SV2C: variants seen among roughly 807,000 people sequenced by gnomAD.
The protein encoded by SV2C is solute carrier family 22 member B3.
A neutral mutation model predicts 79.7 loss-of-function variants in SV2C; 49 were observed. The observed-to-expected ratio is 0.61, with a 90% CI of 0.49 to 0.78. SV2C has a LOEUF of 0.78. Ranked by LOEUF, SV2C falls within the 30% of genes least tolerant of loss-of-function variation. The pLI is 0.00. For synonymous variants in SV2C, 334 were observed against 333.2 expected, an observed-to-expected ratio of 1.00 and a Z score of -0.03; for missense variants, 833 against 912.9, an observed-to-expected ratio of 0.91 and a Z score of 1.13.
chr5:75,935,306 G>A, the SV2C span, among the ~76,000 whole-genome samples: 1 of 152,020 alleles, frequency 6.6e-6, no homozygotes, highest in African/African-American at 2.4e-5. Flanking sequence ...CTAGTATTTG[G>A]GGTTGGTTAG....
the SV2C span, among the ~76,000 whole-genome samples, chr5:75,866,555 A>T: frequency 6.6e-6 from 1 of 152,206 alleles, no homozygotes; most frequent in Non-Finnish European, 1.5e-5. Flanking sequence ...TACCCTGCCA[A>T]CTTTCTAGCA....
chr5:76,254,009 A>G (rs1248865877), intron 4 of SV2C, among the ~76,000 whole-genome samples: 2 of 152,096 alleles, frequency 1.3e-5, no homozygotes, highest in Non-Finnish European at 2.9e-5. Context: ...GTCTGGGTGC[A>G]GGAGCTCACA....
the SV2C span, among the ~76,000 whole-genome samples, chr5:76,023,816 G>A: frequency 1.3e-5 from 2 of 151,326 alleles, no homozygotes; most frequent in Admixed American, 6.6e-5. Context: ...AAATACATAT[G>A]CCCACATATG....
chr5:76,253,626 A>T (rs568626780), intron 4 of SV2C, among the ~76,000 whole-genome samples: 1 of 148,424 alleles, frequency 6.7e-6, no homozygotes, highest in Admixed American at 7.0e-5. Context: ...GTGGTTCCAT[A>T]TTACTCACCT....
At chr5:76,021,371 C>T in the SV2C span, among the ~76,000 whole-genome samples, 1 of 152,146 alleles carries the variant, frequency 6.6e-6, no homozygotes. Context: ...GAAAGAAAAA[C>T]TATTTGGACA....
At chr5:75,891,264 G>T in the SV2C span, among the ~76,000 whole-genome samples, 1 of 152,232 alleles carries the variant, frequency 6.6e-6, no homozygotes, top group Non-Finnish European at 1.5e-5. Context: ...GAGATAACCA[G>T]GAACTGGGTC....
At chr5:76,000,575 C>T in the SV2C span, among the ~76,000 whole-genome samples, 1 of 152,196 alleles carries the variant, frequency 6.6e-6, no homozygotes, top group Non-Finnish European at 1.5e-5. Flanking sequence ...CATCTGACTC[C>T]ACACTTAACC....
the SV2C span, among the ~76,000 whole-genome samples, chr5:75,850,281 G>A: frequency 6.6e-6 from 1 of 152,112 alleles, no homozygotes; most frequent in South Asian, 2.1e-4. Flanking sequence ...CAGGTGCCCT[G>A]AATTAAAATG....
chr5:76,133,189 C>G (rs1580294028), intron 2 of SV2C, among the ~76,000 whole-genome samples: 1 of 152,156 alleles, frequency 6.6e-6, no homozygotes, highest in East Asian at 1.9e-4. Flanking sequence ...ACAGCAAACA[C>G]CTGGTATATA....
chr5:75,914,693 T>C, the SV2C span, among the ~76,000 whole-genome samples: 1 of 152,224 alleles, frequency 6.6e-6, no homozygotes, highest in Non-Finnish European at 1.5e-5. Context: ...TAATTTTGGG[T>C]ACATATTATA....
chr5:76,004,826 A>G, the SV2C span, among the ~76,000 whole-genome samples: 26 of 152,216 alleles, frequency 1.7e-4, no homozygotes, highest in African/African-American at 6.0e-4. Flanking sequence ...TCATATAACC[A>G]GTAAGTCTGG....
the SV2C span, among the ~76,000 whole-genome samples, chr5:75,879,549 G>A: frequency 9.7e-4 from 147 of 152,150 alleles, no homozygotes; most frequent in Non-Finnish European, 1.7e-3. Context: ...CATATTTAGG[G>A]CACACTGGTG....
rs945098679 is a variant in SV2C, at chr5:76,206,659, G to A, written c.762-3077G>A. ...AGTCTGGGAAATTCAGTTCTTTTGC[G>A]TAAACACTTAGCACATGTCCACTGG... On this transcript the variant is annotated intron_variant, in intron 3 of 12. Coordinates refer to ENST00000502798, the MANE Select transcript of SV2C (RefSeq NM_014979.4). 5.3e-5 allele frequency among the ~76,000 whole-genome samples: 8 copies of A among 152,288 alleles called. No homozygotes were observed. In the South Asian group the frequency reaches 6.2e-4, roughly 12 times the overall value.
the SV2C span, among the ~76,000 whole-genome samples, chr5:75,905,192 A>G: frequency 6.6e-6 from 1 of 152,172 alleles, no homozygotes; most frequent in Non-Finnish European, 1.5e-5. Context: ...TTGTTACTCC[A>G]GGATATGTCC....
the SV2C span, chr5:75,910,733 C>T: frequency 4.4e-5 from 60 of 1,371,262 alleles, no homozygotes; most frequent in Middle Eastern, 7.4e-4. Context: ...GTTTGAAGAT[C>T]TGAACCAAAA....
intron 4 of SV2C, among the ~76,000 whole-genome samples, chr5:76,256,872 A>G (rs1746283182): frequency 6.6e-6 from 1 of 152,266 alleles, no homozygotes; most frequent in South Asian, 2.1e-4. Flanking sequence ...TGTTAAACAG[A>G]CTTAATGAAC....
chr5:75,935,893 G>C, the SV2C span, among the ~76,000 whole-genome samples: 1 of 152,056 alleles, frequency 6.6e-6, no homozygotes, highest in African/African-American at 2.4e-5. Context: ...CCACACATAA[G>C]TTACTGTTGT....
At chr5:76,300,155 A>ATT (rs1477316896) in intron 10 of SV2C, among the ~76,000 whole-genome samples, 1 of 69,978 alleles carries the variant, frequency 1.4e-5, no homozygotes, top group Non-Finnish European at 2.8e-5. Context: ...CTCAAATAAA[A>ATT]AATTATTATT....
the SV2C span, among the ~76,000 whole-genome samples, chr5:75,980,756 T>C: frequency 1.3e-5 from 2 of 152,012 alleles, no homozygotes; most frequent in African/African-American, 2.4e-5. Flanking sequence ...ACCAACATCA[T>C]ACTGAATGAG....
Sources: gnomAD v4.1 joint callset for allele counts (sites outside exome capture counted in the v4.1 genomes callset) on GRCh38, gnomAD v4.1.1 for gene constraint, MANE v1.5 for transcripts, NCBI Gene and HGNC (gene_info 2026-07-23, HGNC 2026-07-21) for gene names.